Variants in RPH3A observed in about 807,000 individuals in gnomAD.
RPH3A encodes rabphilin 3A.
RPH3A carries 48 observed loss-of-function variants against 102.2 expected under a neutral mutation model. The observed-to-expected ratio is 0.47, with a 90% CI of 0.37 to 0.60. RPH3A has a LOEUF of 0.60. RPH3A is among the 20% of genes least tolerant of loss of function. The pLI, the probability that RPH3A is intolerant of heterozygous loss-of-function variation, is 0.00. For synonymous variants in RPH3A, 310 were observed against 324.3 expected (o/e 0.96, Z 0.47); for missense variants, 781 against 910.1 (o/e 0.86, Z 1.83).
At chr12:112,675,891 A>C (rs12296200) in intron 1 of RPH3A, among the ~76,000 whole-genome samples, 3,256 of 152,238 alleles carry the variant, frequency 0.021, 126 homozygotes, top group African/African-American at 0.072. Flanking sequence ...GAACTGTTTA[A>C]ATAGGGGGTG....
At chr12:112,862,111 T>C (rs924216401) in intron 5 of RPH3A, among the ~76,000 whole-genome samples, 1 of 151,526 alleles carries the variant, frequency 6.6e-6, no homozygotes, top group East Asian at 1.9e-4. Flanking sequence ...TTTGAGACCA[T>C]GAGTTTGAGA....
At position 112,678,369 on chromosome 12, in the gene RPH3A, G is replaced by A. The variant is rs2040202776; in HGVS notation, c.-140+103050G>A. ...GGAAGGAAGGAAAGGAAGGAAGGAA[G>A]GGAAAGAAAGAAAGAAGAAACAAAC... is the stretch of plus-strand genomic sequence containing the variant. On this transcript the variant is annotated intron_variant, in intron 1 of 21. Transcript: ENST00000543106. Among the ~76,000 whole-genome samples the A allele has an allele frequency of 2.7e-5, 4 of 148,666 alleles. No individual in the cohort carries two copies. In the South Asian group the frequency reaches 8.5e-4, roughly 32 times the overall value.
chr12:112,612,455 C>T (rs1006099637), intron 1 of RPH3A, among the ~76,000 whole-genome samples: 2 of 152,058 alleles, frequency 1.3e-5, no homozygotes, highest in African/African-American at 4.8e-5. Context: ...AAACTTTTCA[C>T]CTGTGATTGG....
chr12:112,724,193 A>G (rs1459106991), intron 1 of RPH3A, among the ~76,000 whole-genome samples: 3 of 151,566 alleles, frequency 2.0e-5, no homozygotes, highest in Admixed American at 2.0e-4. Context: ...AGGAGCTGGG[A>G]CCACAGGCAC....
At chr12:112,832,789 G>A (rs2041990805) in intron 3 of RPH3A, among the ~76,000 whole-genome samples, 1 of 152,182 alleles carries the variant, frequency 6.6e-6, no homozygotes, top group Non-Finnish European at 1.5e-5. Context: ...GTTGCAGTGA[G>A]CTATGATTAT....
In RPH3A at chr12:112,678,098, G is replaced by A. The variant is rs189782556; in HGVS notation, c.-140+102779G>A. Among the ~76,000 whole-genome samples, 312 of 152,000 alleles carry A rather than the reference G, an allele frequency of 2.1e-3. 1 individual carries two copies. The highest frequency in any genetic ancestry group is 7.3e-3 in the African/African-American group (303 of 41,424). On this transcript the variant is annotated intron_variant, in intron 1 of 21. Transcript: ENST00000543106. ...TGTAGTCCCAGCTACTCAGGAGGCT[G>A]AGGCAGGAGAATCACTTGAACCTGG...
At chr12:112,587,498 G>C (rs2039447264) in intron 1 of RPH3A, among the ~76,000 whole-genome samples, 1 of 152,190 alleles carries the variant, frequency 6.6e-6, no homozygotes, top group African/African-American at 2.4e-5. Flanking sequence ...TTCATTATCT[G>C]GGAAGTGGCA....
chr12:112,610,983 C>A (rs2039635416), intron 1 of RPH3A, among the ~76,000 whole-genome samples: 1 of 152,176 alleles, frequency 6.6e-6, no homozygotes, highest in Non-Finnish European at 1.5e-5. Flanking sequence ...AGTTATTTCT[C>A]CCCATTTGAA....
At chr12:112,587,241 A>C (rs573530706) in intron 1 of RPH3A, among the ~76,000 whole-genome samples, 3 of 152,268 alleles carry the variant, frequency 2.0e-5, no homozygotes, top group Admixed American at 6.5e-5. Flanking sequence ...ATCACACTGA[A>C]ATTATGAAAT....
chr12:112,647,150 T>C (rs1166051183), intron 1 of RPH3A, among the ~76,000 whole-genome samples: 1 of 152,214 alleles, frequency 6.6e-6, no homozygotes, highest in Non-Finnish European at 1.5e-5. Context: ...ACAAAAGTGA[T>C]GTTTCCCTTG....
chr12:112,828,474 G>T (rs2041917794), intron 3 of RPH3A, 85 bp downstream of exon 3: 1 of 1,001,412 alleles, frequency 1.0e-6, no homozygotes, highest in African/African-American at 1.7e-5. Flanking sequence ...AGAAGGAATA[G>T]CTTCCTTCCC....
At chr12:112,585,650 G>A (rs1049496143) in intron 1 of RPH3A, among the ~76,000 whole-genome samples, 1 of 152,098 alleles carries the variant, frequency 6.6e-6, no homozygotes, top group Admixed American at 6.6e-5. Flanking sequence ...CAGGAGAATC[G>A]CTTGGACTCG....
intron 14 of RPH3A, among the ~76,000 whole-genome samples, chr12:112,880,779 C>T (rs1404464337): frequency 6.6e-6 from 1 of 152,226 alleles, no homozygotes; most frequent in African/African-American, 2.4e-5. Context: ...TCAATGAACA[C>T]ATCTTTTGTA....
At chr12:112,793,279 G>A (rs889275865) in intron 2 of RPH3A, among the ~76,000 whole-genome samples, 3 of 152,292 alleles carry the variant, frequency 2.0e-5, no homozygotes, top group Middle Eastern at 3.4e-3. Context: ...TTTCTGCTTT[G>A]ATTACATCTA....
At chr12:112,699,817 A>AAAGTCTACAT (rs2040379756) in intron 1 of RPH3A, among the ~76,000 whole-genome samples, 1 of 152,252 alleles carries the variant, frequency 6.6e-6, no homozygotes, top group East Asian at 1.9e-4. Context: ...TGCATGAAAG[A>AAAGTCTACAT]AAGTCTACAT....
rs551651099 is a variant in RPH3A at position 112,686,385 on chromosome 12, T to G, written c.-139-105758T>G. On this transcript the variant is annotated intron_variant, in intron 1 of 21. Coordinates refer to the RPH3A transcript ENST00000543106. ...CCCCAACCAGTAGACTGAAGTCTAT[T>G]TATTCATTTATTTATTCAGTCAGGG... Among the ~76,000 whole-genome samples, 4 of 152,302 alleles carry G rather than the reference T, an allele frequency of 2.6e-5. No individual in the cohort carries two copies. In the South Asian group the frequency reaches 8.3e-4, roughly 32 times the overall value.
chr12:112,861,113 C>A (rs917714163), intron 5 of RPH3A, among the ~76,000 whole-genome samples: 1 of 152,208 alleles, frequency 6.6e-6, no homozygotes, highest in South Asian at 2.1e-4. Context: ...CCCTCAAATT[C>A]TCTCCCACCA....
intron 7 of RPH3A, 45 bp from the exon 8 acceptor site, chr12:112,868,385 A>G: frequency 6.3e-7 from 1 of 1,594,586 alleles, no homozygotes; most frequent in South Asian, 1.1e-5. Context: ...TAAGAGCAAC[A>G]GCGCTTGGCT....
At chr12:112,693,136 G>A (rs951266163) in intron 1 of RPH3A, among the ~76,000 whole-genome samples, 2 of 152,176 alleles carry the variant, frequency 1.3e-5, no homozygotes, top group Admixed American at 1.3e-4. Context: ...TAAAATAAAT[G>A]TTGACACCAT....
Sources: gnomAD v4.1 joint callset for allele counts (sites outside exome capture counted in the v4.1 genomes callset) on GRCh38, gnomAD v4.1.1 for gene constraint, MANE v1.5 for transcripts, NCBI Gene and HGNC (gene_info 2026-07-23, HGNC 2026-07-21) for gene names.